GABRA3: variants seen among roughly 807,000 people sequenced by gnomAD.
The protein encoded by GABRA3 is gamma-aminobutyric acid receptor subunit alpha-3.
Under a neutral mutation model 30.1 loss-of-function variants are expected in GABRA3, and 10 were observed. The ratio of observed to expected loss-of-function variants is 0.33; its 90% CI spans 0.20 to 0.56. GABRA3 has a LOEUF of 0.56. Among genes scored for constraint, GABRA3 ranks in the 20% least tolerant of loss-of-function variants. The pLI, the probability that GABRA3 is intolerant of heterozygous loss-of-function variation, is 0.89. For synonymous variants in GABRA3, 151 were observed against 146.8 expected, an observed-to-expected ratio of 1.03 and a Z score of -0.21; for missense variants, 233 against 392.0, an observed-to-expected ratio of 0.59 and a Z score of 3.42.
chrX:152,252,003 G>A (rs1016354679), intron 5 of GABRA3, among the ~76,000 whole-genome samples: 2 of 111,017 alleles, frequency 1.8e-5, no homozygotes, highest in Non-Finnish European at 1.9e-5. Flanking sequence ...TGCTGTCAGC[G>A]ATGTGTTATT....
chrX:152,416,920 C>T (rs1930240167), intron 1 of GABRA3, among the ~76,000 whole-genome samples: 1 of 105,707 alleles, frequency 9.5e-6, no homozygotes, highest in African/African-American at 3.5e-5. Flanking sequence ...ACCATAAAAA[C>T]CCTAGAAGAA....
At chrX:152,443,128 T>C (rs1264580706) in intron 1 of GABRA3, among the ~76,000 whole-genome samples, 1 of 111,827 alleles carries the variant, frequency 8.9e-6, no homozygotes, top group Non-Finnish European at 1.9e-5. Context: ...ATGGGTCAAC[T>C]AAACATACAT....
chrX:152,320,099 G>A (rs1263504971), intron 3 of GABRA3, among the ~76,000 whole-genome samples: 1 of 111,251 alleles, frequency 9.0e-6, no homozygotes, highest in African/African-American at 3.3e-5. Context: ...GCAGTGAAAA[G>A]GGCACACTTC....
At chrX:152,402,782 A>G (rs1929826763) in intron 1 of GABRA3, among the ~76,000 whole-genome samples, 1 of 112,148 alleles carries the variant, frequency 8.9e-6, no homozygotes, top group East Asian at 2.8e-4. Flanking sequence ...TGGGGATACA[A>G]ATATAAAACA....
intron 1 of GABRA3, among the ~76,000 whole-genome samples, chrX:152,450,870 GAACAA>G (rs1477493468): frequency 3.6e-5 from 4 of 112,321 alleles, no homozygotes; most frequent in African/African-American, 1.3e-4. Flanking sequence ...TTCCAAAGAG[GAACAA>G]AACAATTCAC....
At chrX:152,344,731 T>C (rs5970280) in intron 3 of GABRA3, among the ~76,000 whole-genome samples, 4,554 of 111,788 alleles carry the variant, frequency 0.041, 214 homozygotes, top group African/African-American at 0.14. Context: ...TCCTATGGTG[T>C]TACTTTGAAA....
chrX:152,401,376 T>C lies in GABRA3; in HGVS notation c.-26-36780A>G, dbSNP rs187924947. Among the ~76,000 whole-genome samples, 256 of 109,615 alleles carry C rather than the reference T, an allele frequency of 2.3e-3. 2 individuals are homozygous for C. The highest frequency in any genetic ancestry group is 9.5e-3 in the Middle Eastern group (2 of 210). ...GTATCCAATAAGTGGCGGCAAGTGA[T>C]GTTACATTAATATAATAAATTATAT... is the stretch of plus-strand genomic sequence containing the variant. On this transcript the variant is annotated intron_variant, in intron 1 of 9. Coordinates refer to ENST00000370314, the MANE Select transcript of GABRA3 (RefSeq NM_000808.4).
intron 9 of GABRA3, among the ~76,000 whole-genome samples, chrX:152,171,947 A>G (rs1937008613): frequency 8.9e-6 from 1 of 111,781 alleles, no homozygotes; most frequent in South Asian, 3.7e-4. Flanking sequence ...AATTGTCTCT[A>G]AAGGTGAAGC....
In GABRA3 at chrX:152,204,782, G is replaced by T. The variant is rs183431600; in HGVS notation, c.778+3219C>A. ...TGCCATAACAAAGTACTACACCCTG[G>T]ATGGGTTAAAACAAAACAAATGTAT... On this transcript the variant is annotated intron_variant, in intron 7 of 9. Coordinates refer to ENST00000370314, the MANE Select transcript of GABRA3 (RefSeq NM_000808.4). Among the ~76,000 whole-genome samples the T allele has an allele frequency of 2.5e-3, 278 of 111,721 alleles. 2 individuals carry two copies. The highest frequency in any genetic ancestry group is 8.7e-3 in the African/African-American group (267 of 30,757).
chrX:152,334,305 A>T (rs1048277254), intron 3 of GABRA3, among the ~76,000 whole-genome samples: 1 of 111,850 alleles, frequency 8.9e-6, no homozygotes, highest in Non-Finnish European at 1.9e-5. Flanking sequence ...ATCAGGAACA[A>T]GACAATGGTG....
intron 1 of GABRA3, among the ~76,000 whole-genome samples, chrX:152,436,209 C>A (rs754844771): frequency 1.8e-5 from 2 of 111,623 alleles, no homozygotes; most frequent in South Asian, 3.7e-4. Flanking sequence ...CCTAGGATAG[C>A]CAAAGACAGT....
intron 3 of GABRA3, among the ~76,000 whole-genome samples, chrX:152,311,400 A>C (rs1225863165): frequency 2.7e-5 from 3 of 112,556 alleles, no homozygotes; most frequent in Non-Finnish European, 5.6e-5. Flanking sequence ...AGGTTGGTTC[A>C]ACATGTGCAA....
At chrX:152,428,531 G>A (rs915197753) in intron 1 of GABRA3, among the ~76,000 whole-genome samples, 5 of 111,925 alleles carry the variant, frequency 4.5e-5, no homozygotes, top group African/African-American at 1.6e-4. Flanking sequence ...ACAGAGGAAG[G>A]TTGCATTAAT....
intron 1 of GABRA3, among the ~76,000 whole-genome samples, chrX:152,446,537 T>A (rs1421004839): frequency 9.2e-6 from 1 of 108,901 alleles, no homozygotes; most frequent in African/African-American, 3.4e-5. Context: ...ATAAGGTTCA[T>A]TGTTCTCTCC....
intron 9 of GABRA3, among the ~76,000 whole-genome samples, chrX:152,184,782 T>TG (rs1937231605): frequency 8.9e-6 from 1 of 111,786 alleles, no homozygotes; most frequent in African/African-American, 3.2e-5. Flanking sequence ...GTTTTATACC[T>TG]GTTTTATTCC....
At chrX:152,410,819 C>T (rs955032457) in intron 1 of GABRA3, among the ~76,000 whole-genome samples, 3 of 110,747 alleles carry the variant, frequency 2.7e-5, no homozygotes, top group Admixed American at 9.6e-5. Flanking sequence ...AAATATGTGT[C>T]ATTCACAACA....
chrX:152,202,815 G>T (rs1215868960), intron 7 of GABRA3, among the ~76,000 whole-genome samples: 2 of 112,207 alleles, frequency 1.8e-5, no homozygotes, highest in Admixed American at 1.9e-4. Context: ...AAATAATGCA[G>T]CTCCTAAAAA....
In GABRA3 at chrX:152,364,422, G is replaced by A; in HGVS notation, c.140+9C>T. 1 of 1,203,967 alleles carries A rather than the reference G, an allele frequency of 8.3e-7. No individual in the cohort carries two copies. The highest frequency in any genetic ancestry group is 1.7e-5 in the African/African-American group (1 of 57,417). On this transcript the variant is annotated intron_variant, in intron 2 of 9. Transcript: ENST00000370314. ...GTCTTCTTTCATCCTAAGAGTTAGGGGTTCTTACCCGCCAATGTCCTGCTT... is the reference window on the plus strand; with the variant it reads ...GTCTTCTTTCATCCTAAGAGTTAGGAGTTCTTACCCGCCAATGTCCTGCTT...
chrX:152,225,130 ACC>A (rs80164841), intron 5 of GABRA3, among the ~76,000 whole-genome samples: 1 of 105,805 alleles, frequency 9.5e-6, no homozygotes, highest in African/African-American at 3.4e-5. Flanking sequence ...TTCCTTAGAC[ACC>A]CCCCCCAAGA....
Sources: allele counts gnomAD v4.1 joint callset (sites outside exome capture counted in the v4.1 genomes callset), GRCh38; gene constraint gnomAD v4.1.1; transcripts MANE v1.5; gene names NCBI Gene and HGNC (gene_info 2026-07-23, HGNC 2026-07-21).